TAOK3: variants seen among roughly 807,000 people sequenced by gnomAD.
TAOK3 encodes the protein TAO kinase 3.
A neutral mutation model predicts 120.4 loss-of-function variants in TAOK3; 40 were observed. The ratio of observed to expected loss-of-function variants is 0.33; its 90% CI spans 0.26 to 0.43. The LOEUF (loss-of-function observed/expected upper bound fraction) is 0.43, where lower values mean the gene tolerates loss of function less well. Ranked by LOEUF, TAOK3 falls within the 20% of genes least tolerant of loss-of-function variation. The probability of loss-of-function intolerance (pLI) is 1.00; values close to 1 mark genes in which losing one functional copy is unlikely to be tolerated. For missense variants in TAOK3, 821 were observed against 1,112.1 expected, an observed-to-expected ratio of 0.74 and a Z score of 3.72; for synonymous variants, 355 against 387.5, an observed-to-expected ratio of 0.92 and a Z score of 0.99.
intron 1 of TAOK3, among the ~76,000 whole-genome samples, chr12:118,282,072 G>C (rs1395532155): frequency 2.0e-5 from 3 of 152,172 alleles, no homozygotes; most frequent in Non-Finnish European, 4.4e-5. Flanking sequence ...ATGTTTTCTA[G>C]AAGATTCCTT....
At chr12:118,304,787 A>G (rs1185603629) in intron 1 of TAOK3, among the ~76,000 whole-genome samples, 1 of 152,250 alleles carries the variant, frequency 6.6e-6, no homozygotes, top group Non-Finnish European at 1.5e-5. Flanking sequence ...TTGTGCTTAT[A>G]GGGATGCCAA....
At chr12:118,332,999 T>G (rs1407241393) in intron 1 of TAOK3, among the ~76,000 whole-genome samples, 1 of 104,314 alleles carries the variant, frequency 9.6e-6, no homozygotes, top group Non-Finnish European at 1.9e-5. Flanking sequence ...CACACACAGA[T>G]AGAGCTAAAA....
chr12:118,253,877 G>A (rs756530836), intron 3 of TAOK3, among the ~76,000 whole-genome samples: 2 of 151,948 alleles, frequency 1.3e-5, no homozygotes, highest in South Asian at 2.1e-4. Context: ...GGTGAAACCC[G>A]GTCTCTACTA....
chr12:118,321,941 C>A (rs1225770803), intron 1 of TAOK3, among the ~76,000 whole-genome samples: 3 of 151,962 alleles, frequency 2.0e-5, no homozygotes, highest in Non-Finnish European at 4.4e-5. Flanking sequence ...AACAACCAAC[C>A]CAAAAAATCC....
At chr12:118,189,058 A>G (rs1009542239) in intron 14 of TAOK3, among the ~76,000 whole-genome samples, 1 of 152,230 alleles carries the variant, frequency 6.6e-6, no homozygotes, top group Non-Finnish European at 1.5e-5. Context: ...CACATTTGCA[A>G]TAGTAAAAAT....
At chr12:118,346,976 G>A (rs2044884957) in intron 1 of TAOK3, among the ~76,000 whole-genome samples, 1 of 151,894 alleles carries the variant, frequency 6.6e-6, no homozygotes, top group African/African-American at 2.4e-5. Flanking sequence ...CCTTTATCAG[G>A]CCAAGCACTT....
Position 118,160,290 on chromosome 12 carries a change from T to C in TAOK3, c.2208A>G (p.Ala736=), listed in dbSNP as rs376008090. Residue 736 remains alanine (A), a synonymous_variant, in exon 19 of 21, where the codon GCA becomes GCG. Transcript: ENST00000392533. This position sits in a 1 kb window ranked among gnomAD's most constrained non-coding sequence, Gnocchi z 4.2. ...TCKVQTKQYK[A]LKNHQLEVTP... is the part of the protein sequence containing the mutation. ...TAACTTCCAACTGGTGATTCTTGAG[T>C]GCTTTATACTGTTTGGTCTGTACTT... is the stretch of plus-strand genomic sequence containing the variant. 2 of 1,614,112 alleles carry C rather than the reference T, an allele frequency of 1.2e-6. No homozygotes were observed. The highest frequency in any genetic ancestry group is 1.7e-6 in the Non-Finnish European group (2 of 1,180,042).
At chr12:118,172,322 A>T in intron 17 of TAOK3, 135 bp downstream of exon 17, 3 of 880,404 alleles carry the variant, frequency 3.4e-6, no homozygotes, top group Admixed American at 4.9e-5. Flanking sequence ...TTGTATACCT[A>T]CTCTGTGTTA....
chr12:118,190,969 T>C (rs746304534), intron 13 of TAOK3, among the ~76,000 whole-genome samples: 3 of 152,202 alleles, frequency 2.0e-5, no homozygotes, highest in Non-Finnish European at 4.4e-5. Context: ...TTTAAAATAG[T>C]ACATGTTCAG....
chr12:118,281,733 C>T (rs1006318849), intron 1 of TAOK3, among the ~76,000 whole-genome samples: 1 of 146,156 alleles, frequency 6.8e-6, no homozygotes, highest in Admixed American at 6.9e-5. Flanking sequence ...GCCTGGGCAA[C>T]AAGAGTGAGA....
intron 1 of TAOK3, among the ~76,000 whole-genome samples, chr12:118,325,983 C>CAACA (rs2043921659): frequency 6.6e-6 from 1 of 152,130 alleles, no homozygotes; most frequent in Non-Finnish European, 1.5e-5. Context: ...CCCAGCCTGT[C>CAACA]TCTTCACTTT....
intron 17 of TAOK3, among the ~76,000 whole-genome samples, chr12:118,164,021 T>G (rs952080833): frequency 2.0e-5 from 3 of 151,682 alleles, no homozygotes; most frequent in Non-Finnish European, 4.4e-5. Context: ...CTAGCAGTAT[T>G]ACTATTAAGA....
chr12:118,279,186 G>A (rs1267238143), intron 1 of TAOK3, among the ~76,000 whole-genome samples: 1 of 152,092 alleles, frequency 6.6e-6, no homozygotes, highest in Non-Finnish European at 1.5e-5. Flanking sequence ...GTGATGGTGA[G>A]CATTTTTTCG....
chr12:118,342,485 T>A (rs140482800), intron 1 of TAOK3, among the ~76,000 whole-genome samples: 1,745 of 152,288 alleles, frequency 0.011, 15 homozygotes, highest in Middle Eastern at 0.02. Context: ...AAACGTGTCA[T>A]CCACAGAAGC....
At position 118,350,815 on chromosome 12, in the gene TAOK3, G is replaced by A. The variant is rs1440473084; in HGVS notation, c.-194+21833C>T. Among the ~76,000 whole-genome samples the A allele has an allele frequency of 4.1e-5, 6 of 145,742 alleles. No individual in the cohort carries two copies. In the South Asian group the frequency reaches 8.9e-4, roughly 22 times the overall value. ...GTGGAGGTTGCAGTGAGCTGAGGTC[G>A]TGCCATTGTACTCCAGCCTGGGCAA... On this transcript the variant is annotated intron_variant, in intron 1 of 20. Transcript: ENST00000392533.
At chr12:118,170,794 C>T (rs1052898442) in intron 17 of TAOK3, among the ~76,000 whole-genome samples, 52 of 152,112 alleles carry the variant, frequency 3.4e-4, no homozygotes, top group Non-Finnish European at 1.3e-4. Context: ...TCACAGCTCT[C>T]CCTCTTCCAA....
At chr12:118,246,003 A>G (rs2040474894) in intron 3 of TAOK3, 3 of 602,070 alleles carry the variant, frequency 5.0e-6, no homozygotes, top group Non-Finnish European at 2.8e-6. Context: ...GTAGAATCCA[A>G]TTTTTGCAAA....
intron 1 of TAOK3, among the ~76,000 whole-genome samples, chr12:118,361,311 G>A (rs2045590287): frequency 6.6e-6 from 1 of 152,054 alleles, no homozygotes; most frequent in African/African-American, 2.4e-5. Context: ...TGTATGGTGT[G>A]GTAGTAGGAA....
intron 2 of TAOK3, 66 bp downstream of exon 2, chr12:118,266,589 C>G (rs1315529812): frequency 2.5e-6 from 1 of 396,946 alleles, no homozygotes; most frequent in Non-Finnish European, 4.4e-6. Flanking sequence ...AAAAATTCAT[C>G]CAAAAACCCA....
Sources: gnomAD v4.1 joint callset for allele counts (sites outside exome capture counted in the v4.1 genomes callset) on GRCh38, gnomAD v4.1.1 for gene constraint, Gnocchi (gnomAD v3.1) non-coding constraint, MANE v1.5 for transcripts, NCBI Gene and HGNC (gene_info 2026-07-23, HGNC 2026-07-21) for gene names.